ITK: variants seen among roughly 807,000 people sequenced by gnomAD.
The protein encoded by ITK is tyrosine-protein kinase ITK/TSK.
In ITK, 45 loss-of-function variants were observed where a neutral mutation model predicts 87.6. That is an observed-to-expected ratio of 0.51 (90% CI 0.40 to 0.66). ITK has a LOEUF of 0.66. Ranked by LOEUF, ITK falls within the 30% of genes least tolerant of loss-of-function variation. The pLI, the probability that ITK is intolerant of heterozygous loss-of-function variation, is 0.00. For missense variants in ITK, 605 were observed against 766.3 expected, an observed-to-expected ratio of 0.79 and a Z score of 2.48; for synonymous variants, 303 against 273.6, an observed-to-expected ratio of 1.11 and a Z score of -1.06.
In ITK at chr5:157,252,792, G is replaced by A. The variant is rs1755169337; in HGVS notation, c.*114G>A. Reference sequence around the variant, plus strand: ...GCCCAGGACCCTCCAGAGGCAGCCTGGCCTGTGGCATCAGTCCCTGAGTCA... The same window carrying A: ...GCCCAGGACCCTCCAGAGGCAGCCTAGCCTGTGGCATCAGTCCCTGAGTCA... On this transcript the variant is annotated 3_prime_UTR_variant, in exon 17 of 17. Transcript: ENST00000422843. 1 of 825,622 alleles carries A rather than the reference G, an allele frequency of 1.2e-6. No homozygotes were observed. Among genetic ancestry groups the A allele is most frequent in the African/African-American group, 1.7e-5 (1 of 60,232 alleles). The allele number at this position is 825,622 out of a possible 1,614,324, so 51.1% of individuals were successfully genotyped here. A position where few individuals can be genotyped will look rare whatever the true frequency, so the allele number is the denominator to read the frequency against.
intron 9 of ITK, 105 bp from the exon 10 acceptor site, chr5:157,239,957 G>A: frequency 8.8e-7 from 1 of 1,136,670 alleles, no homozygotes; most frequent in Non-Finnish European, 1.3e-6. Flanking sequence ...GCCACCTTGT[G>A]AGAGGTTATA....
chr5:157,211,910 C>T (rs755801128), intron 3 of ITK, among the ~76,000 whole-genome samples: 1 of 152,286 alleles, frequency 6.6e-6, no homozygotes, highest in South Asian at 2.1e-4. Context: ...TGAGCAAAGT[C>T]CTAGAAACTA....
chr5:157,225,395 C>T (rs1311411107), intron 6 of ITK, among the ~76,000 whole-genome samples: 1 of 151,866 alleles, frequency 6.6e-6, no homozygotes, highest in East Asian at 1.9e-4. Context: ...ATTTACCTTC[C>T]TGCTAACAGA....
Position 157,244,284 on chromosome 5 carries a change from G to A in ITK, c.1255G>A (p.Val419Met), listed in dbSNP as rs1754974716. Residue 419 changes from valine (V) to methionine (M), a missense_variant, in exon 13 of 17, where the codon GTG becomes ATG. Physicochemically the swap from Val to Met is conservative, Grantham distance 21. Around this residue, in one of 3 missense-constraint regions of ITK, gnomAD observed 464 missense variants for 578.0 expected, o/e 0.80. Transcript: ENST00000422843. ...VMMKLSHPKL[V>M]QLYGVCLEQA... ...CAGGAAACTCTCTCATCCCAAACTGGTGCAGCTGTATGGGGTGTGCCTGGA... is the reference window on the plus strand; with the variant it reads ...CAGGAAACTCTCTCATCCCAAACTGATGCAGCTGTATGGGGTGTGCCTGGA... 7.4e-6 allele frequency: 12 copies of A among 1,614,014 alleles called. No homozygotes were observed. Among genetic ancestry groups the A allele is most frequent in the Non-Finnish European group, 1.0e-5 (12 of 1,180,008 alleles).
At chr5:157,217,504 G>C (rs1053556549) in intron 4 of ITK, among the ~76,000 whole-genome samples, 5 of 152,082 alleles carry the variant, frequency 3.3e-5, no homozygotes, top group Non-Finnish European at 5.9e-5. Flanking sequence ...CCACTCCTGA[G>C]CTTAGCAGGT....
Position 157,241,677 on chromosome 5 carries a change from T to C in ITK, c.1017T>C (p.Cys339=). ...GLVTRLRYPV[C]FGRQKAPVTA... is the part of the protein sequence containing the mutation. ...TGACTCGACTCCGGTATCCAGTTTG[T>C]TTTGGGAGGCAGAAAGCCCCAGTTA... The change falls in exon 11 of 17, where the codon TGT becomes TGC. Residue 339 remains cysteine, a synonymous_variant. Coordinates refer to ENST00000422843, the MANE Select transcript of ITK (RefSeq NM_005546.4). 6.2e-7 allele frequency: 1 copy of C among 1,613,946 alleles called. No individual in the cohort carries two copies.
intron 4 of ITK, among the ~76,000 whole-genome samples, chr5:157,215,960 G>A (rs1377723695): frequency 6.6e-6 from 1 of 152,196 alleles, no homozygotes; most frequent in Admixed American, 6.5e-5. Flanking sequence ...CAGAATGCCA[G>A]TGGGGGAGGA....
At position 157,214,884 on chromosome 5, in the gene ITK, C is replaced by T. The variant is rs1754268094; in HGVS notation, c.454+565C>T. Among the ~76,000 whole-genome samples the T allele has an allele frequency of 2.0e-5, 3 of 152,104 alleles. No individual in the cohort carries two copies. The South Asian group carries it at 6.2e-4, about 31-fold the overall frequency. On this transcript the variant is annotated intron_variant, in intron 4 of 16. Transcript: ENST00000422843. The stretch of plus-strand genomic sequence containing the variant: ...TCTCCTTGCCTCCTCTTCAAACTTG[C>T]CCTTGACCTCCACAGTCTCAGAGAG...
At chr5:157,185,945 G>A (rs908464632) in intron 1 of ITK, among the ~76,000 whole-genome samples, 6 of 152,136 alleles carry the variant, frequency 3.9e-5, no homozygotes, top group Admixed American at 2.6e-4. Context: ...AACATTTACT[G>A]AGCACTTACT....
chr5:157,204,822 A>G (rs1473979857), intron 1 of ITK, among the ~76,000 whole-genome samples: 2 of 152,236 alleles, frequency 1.3e-5, no homozygotes, highest in Non-Finnish European at 1.5e-5. Context: ...TCAATAATGG[A>G]TAAAGTTGTT....
At chr5:157,211,072 G>C (rs1754181550) in intron 2 of ITK, among the ~76,000 whole-genome samples, 1 of 151,952 alleles carries the variant, frequency 6.6e-6, no homozygotes, top group African/African-American at 2.4e-5. Context: ...CTCTCTTGGG[G>C]CATGGAATCT....
chr5:157,219,559 G>T (rs1203792153), intron 5 of ITK, among the ~76,000 whole-genome samples: 3 of 152,102 alleles, frequency 2.0e-5, no homozygotes. Flanking sequence ...AAAACTGGCA[G>T]CGTCCCCATA....
In ITK at chr5:157,240,941, CTT is replaced by C. The variant is rs35181977; in HGVS notation, c.986-692_986-691del. On this transcript the variant is annotated intron_variant, in intron 10 of 16. Transcript: ENST00000422843. Reference sequence around the variant, plus strand: ...TCTTTTCCTTTCTTTTCTTTTCTTTCTTTTTTTTTTTTTTGAGACAGAGTTTC... The same window carrying C: ...TCTTTTCCTTTCTTTTCTTTTCTTTCTTTTTTTTTTTTGAGACAGAGTTTC... The C allele has an allele frequency of 3.8e-3, 531 of 139,150 alleles. 1 individual carries two copies. The highest frequency in any genetic ancestry group is 0.025 in the Middle Eastern group (7 of 280). The allele number at this position is 139,150 out of a possible 1,614,324, so 8.6% of individuals were successfully genotyped here.
chr5:157,249,203 T>C (rs1212212981), intron 16 of ITK, among the ~76,000 whole-genome samples, 196 bp downstream of exon 16: 1 of 152,214 alleles, frequency 6.6e-6, no homozygotes. Context: ...ACCTTAAATA[T>C]TATTTGGTTT....
At chr5:157,236,001 C>T (rs1754767711) in intron 8 of ITK, among the ~76,000 whole-genome samples, 1 of 152,150 alleles carries the variant, frequency 6.6e-6, no homozygotes, top group African/African-American at 2.4e-5. Flanking sequence ...AGGCACATTA[C>T]CTCAGTTCTC....
chr5:157,210,547 A>AT (rs1219550066), intron 2 of ITK, among the ~76,000 whole-genome samples: 31 of 143,632 alleles, frequency 2.2e-4, no homozygotes, highest in Admixed American at 9.7e-4. Context: ...TTTTTTTTTA[A>AT]TTTTTTTTTA....
intron 7 of ITK, among the ~76,000 whole-genome samples, chr5:157,229,568 A>T (rs1754607471): frequency 6.6e-6 from 1 of 152,218 alleles, no homozygotes. Flanking sequence ...TTCAAAAAAA[A>T]ATGTTAATAT....
intron 3 of ITK, chr5:157,213,529 C>T (rs375995333): frequency 5.4e-5 from 24 of 443,588 alleles, no homozygotes; most frequent in East Asian, 3.5e-4. Context: ...AGGTGCATGA[C>T]ACCATGCCCA....
intron 4 of ITK, among the ~76,000 whole-genome samples, chr5:157,215,862 G>C (rs1401480769): frequency 6.6e-6 from 1 of 152,226 alleles, no homozygotes; most frequent in Non-Finnish European, 1.5e-5. Flanking sequence ...CATGCATGCT[G>C]CAGCTATTCC....
Sources: gnomAD v4.1 joint callset for allele counts (sites outside exome capture counted in the v4.1 genomes callset) on GRCh38, gnomAD v4.1.1 for gene constraint, gnomAD v4.1.1 regional missense constraint, MANE v1.5 for transcripts, NCBI Gene and HGNC (gene_info 2026-07-23, HGNC 2026-07-21) for gene names.